Variants in CCDC148 observed in about 807,000 individuals in gnomAD.
CCDC148 encodes the protein coiled-coil domain containing 148.
Under a neutral mutation model 85.7 loss-of-function variants are expected in CCDC148, and 89 were observed. The ratio of observed to expected loss-of-function variants is 1.04; its 90% CI spans 0.87 to 1.24. The LOEUF (loss-of-function observed/expected upper bound fraction) is 1.24, where lower values mean the gene tolerates loss of function less well. CCDC148 is among the 50% of genes most tolerant of loss of function. CCDC148 has a pLI of 0.00. For missense variants in CCDC148, 692 were observed against 671.7 expected (o/e 1.03, Z -0.33); for synonymous variants, 230 against 213.9 (o/e 1.08, Z -0.66).
intron 1 of CCDC148, among the ~76,000 whole-genome samples, chr2:158,410,057 T>A (rs1179716843): frequency 1.3e-5 from 2 of 152,198 alleles, no homozygotes; most frequent in Non-Finnish European, 2.9e-5. Flanking sequence ...TAAAATTATT[T>A]TTTCCCTAGT....
intron 1 of CCDC148, among the ~76,000 whole-genome samples, chr2:158,446,355 A>AC (rs934057548): frequency 6.6e-6 from 1 of 151,814 alleles, no homozygotes. Flanking sequence ...TGTCTCAAAA[A>AC]AAAAAAGAAT....
chr2:158,449,990 A>ATTTT (rs5835706), intron 1 of CCDC148, among the ~76,000 whole-genome samples: 1 of 144,156 alleles, frequency 6.9e-6, no homozygotes, highest in Non-Finnish European at 1.5e-5. Flanking sequence ...TGTCATCTTC[A>ATTTT]TTTTTTTTTT....
At chr2:158,368,159 T>C (rs887572761) in intron 1 of CCDC148, among the ~76,000 whole-genome samples, 1 of 152,162 alleles carries the variant, frequency 6.6e-6, no homozygotes, top group African/African-American at 2.4e-5. Flanking sequence ...GTTTACACTA[T>C]GAATGTGAAC....
At chr2:158,246,748 A>C (rs1284513445) in intron 10 of CCDC148, among the ~76,000 whole-genome samples, 1 of 152,184 alleles carries the variant, frequency 6.6e-6, no homozygotes, top group African/African-American at 2.4e-5. Flanking sequence ...CACTCTCTGC[A>C]AAAGTTCCAG....
At chr2:158,431,488 T>A (rs576622919) in intron 1 of CCDC148, among the ~76,000 whole-genome samples, 248 of 147,044 alleles carry the variant, frequency 1.7e-3, no homozygotes, top group African/African-American at 4.7e-3. Context: ...AGGTGTTTTT[T>A]AAAAAAAAAA....
intron 10 of CCDC148, among the ~76,000 whole-genome samples, chr2:158,247,208 G>A (rs1294737479): frequency 4.6e-5 from 7 of 152,066 alleles, no homozygotes; most frequent in African/African-American, 1.4e-4. Flanking sequence ...GTGAGTTACA[G>A]AGAAAGAAAA....
At chr2:158,286,472 C>T (rs1690630399) in intron 9 of CCDC148, among the ~76,000 whole-genome samples, 1 of 152,202 alleles carries the variant, frequency 6.6e-6, no homozygotes, top group African/African-American at 2.4e-5. Context: ...TATTAAACAA[C>T]CCTCAATAGG....
intron 8 of CCDC148, 23 bp downstream of exon 8, chr2:158,313,733 A>C: frequency 6.3e-7 from 1 of 1,592,102 alleles, no homozygotes; most frequent in Non-Finnish European, 8.6e-7. Context: ...ACTTGCCAGT[A>C]TGTAGGTAGG....
intron 1 of CCDC148, among the ~76,000 whole-genome samples, chr2:158,416,848 CTA>C (rs1686522567): frequency 6.6e-6 from 1 of 152,152 alleles, no homozygotes; most frequent in African/African-American, 2.4e-5. Flanking sequence ...TCTCACATTG[CTA>C]TAAAGAACTA....
chr2:158,347,809 T>C (rs1683068291), intron 2 of CCDC148, among the ~76,000 whole-genome samples: 1 of 152,132 alleles, frequency 6.6e-6, no homozygotes, highest in South Asian at 2.1e-4. Context: ...TACATGTATG[T>C]ATATGTTTGT....
At chr2:158,377,940 C>T (rs1343040175) in intron 1 of CCDC148, among the ~76,000 whole-genome samples, 2 of 152,024 alleles carry the variant, frequency 1.3e-5, no homozygotes, top group African/African-American at 4.8e-5. Context: ...TTCTGAGACA[C>T]AACAATATTG....
At chr2:158,356,462 C>CA (rs1490242756) in intron 2 of CCDC148, among the ~76,000 whole-genome samples, 3 of 150,378 alleles carry the variant, frequency 2.0e-5, no homozygotes, top group Non-Finnish European at 3.0e-5. Flanking sequence ...TTTATGCAGC[C>CA]AAAAAACACA....
intron 3 of CCDC148, 77 bp downstream of exon 3, chr2:158,345,138 C>G (rs1574658648): frequency 2.1e-6 from 2 of 956,002 alleles, no homozygotes; most frequent in East Asian, 5.4e-5. Context: ...TAACATGGAA[C>G]ATTATAGAAC....
chr2:158,366,816 C>T (rs1028564425), intron 1 of CCDC148, among the ~76,000 whole-genome samples: 2 of 152,212 alleles, frequency 1.3e-5, no homozygotes, highest in African/African-American at 2.4e-5. Context: ...ATCTTCCACT[C>T]CACGCTCTTC....
intron 1 of CCDC148, among the ~76,000 whole-genome samples, chr2:158,455,166 T>TC (rs2105353693): frequency 6.6e-6 from 1 of 152,346 alleles, no homozygotes; most frequent in South Asian, 2.1e-4. Flanking sequence ...GTTTACTTTT[T>TC]CTGTTCTATA....
At chr2:158,424,708 A>G (rs1442859494) in intron 1 of CCDC148, 5 of 167,852 alleles carry the variant, frequency 3.0e-5, no homozygotes, top group Admixed American at 2.5e-4. Flanking sequence ...CTAGAACTTA[A>G]AGTATAATAA....
chr2:158,431,148 G>A (rs1016323704), intron 1 of CCDC148, among the ~76,000 whole-genome samples: 1 of 150,822 alleles, frequency 6.6e-6, no homozygotes, highest in Non-Finnish European at 1.5e-5. Flanking sequence ...GAGAGGGAAT[G>A]AGGAAAAAAA....
chr2:158,273,304 T>A (rs1689780291), intron 9 of CCDC148, among the ~76,000 whole-genome samples: 2 of 152,160 alleles, frequency 1.3e-5, no homozygotes, highest in South Asian at 2.1e-4. Context: ...TGATTAGTAG[T>A]AAACATAATA....
chr2:158,351,662 A>G (rs1025333047), intron 2 of CCDC148, among the ~76,000 whole-genome samples: 6 of 152,160 alleles, frequency 3.9e-5, no homozygotes, highest in Non-Finnish European at 7.4e-5. Context: ...GGCGCCCGCC[A>G]TTGCCCAGGC....
Sources: gnomAD v4.1 joint callset for allele counts (sites outside exome capture counted in the v4.1 genomes callset) on GRCh38, gnomAD v4.1.1 for gene constraint, MANE v1.5 for transcripts, NCBI Gene and HGNC (gene_info 2026-07-23, HGNC 2026-07-21) for gene names.